SVIL: variants seen among roughly 807,000 people sequenced by gnomAD.
The protein encoded by SVIL is supervillin, also known as archvillin.
Under a neutral mutation model 240.4 loss-of-function variants are expected in SVIL, and 101 were observed. That is an observed-to-expected ratio of 0.42 (90% CI 0.36 to 0.50). The LOEUF (loss-of-function observed/expected upper bound fraction) is 0.50, where lower values mean the gene tolerates loss of function less well. Among genes scored for constraint, SVIL ranks in the 20% least tolerant of loss-of-function variants. The pLI, the probability that SVIL is intolerant of heterozygous loss-of-function variation, is 0.01. For missense variants in SVIL, 2,512 were observed against 2,818.7 expected (o/e 0.89, Z 2.46); for synonymous variants, 999 against 1,100.0 (o/e 0.91, Z 1.82).
chr10:29,605,226 C>A (rs1399746660), intron 1 of SVIL, among the ~76,000 whole-genome samples: 2 of 152,198 alleles, frequency 1.3e-5, no homozygotes, highest in Admixed American at 6.5e-5. Flanking sequence ...TTTACTTAGT[C>A]CTCTACGGAT....
chr10:29,594,836 C>T (rs1055110160), intron 1 of SVIL, among the ~76,000 whole-genome samples: 2 of 152,186 alleles, frequency 1.3e-5, no homozygotes, highest in Non-Finnish European at 2.9e-5. Context: ...GGATTACAGG[C>T]GTAAGCCACT....
At chr10:29,641,025 T>A (rs1958467830) in intron 3 of SVIL, among the ~76,000 whole-genome samples, 1 of 152,162 alleles carries the variant, frequency 6.6e-6, no homozygotes, top group South Asian at 2.1e-4. Context: ...ATGGCAAACT[T>A]TTTGTCTTTT....
Position 29,550,908 on chromosome 10 carries a change from C to A in SVIL, c.516G>T (p.Thr172=). The A allele has an allele frequency of 6.2e-7, 1 of 1,614,008 alleles. No homozygotes were observed. Among genetic ancestry groups the A allele is most frequent in the African/African-American group, 1.3e-5 (1 of 74,978 alleles). ...CACCGGCACAGGTCCTGAGCCCCAT[C>A]GTCTCGGTCCCGGGGTACAGAGAAC... is the stretch of plus-strand genomic sequence containing the variant. The part of the protein sequence containing the change: ...DASSLYPGTE[T]MGLRTCAGES... Residue 172 remains threonine, a synonymous_variant, in exon 6 of 38, where the codon ACG becomes ACT. Transcript: ENST00000355867.
chr10:29,723,398 T>A (rs543607840), intron 1 of SVIL, among the ~76,000 whole-genome samples: 57 of 152,120 alleles, frequency 3.7e-4, no homozygotes, highest in Non-Finnish European at 7.9e-4. Context: ...AAAAAATAAA[T>A]GTATAACTAA....
chr10:29,661,956 G>T (rs1214354978), intron 2 of SVIL, among the ~76,000 whole-genome samples: 1 of 152,020 alleles, frequency 6.6e-6, no homozygotes, highest in Non-Finnish European at 1.5e-5. Context: ...GAGCCACCAT[G>T]CCCGGCCCCA....
chr10:29,555,662 G>A (rs1953860329), intron 3 of SVIL, among the ~76,000 whole-genome samples: 1 of 152,170 alleles, frequency 6.6e-6, no homozygotes, highest in South Asian at 2.1e-4. Context: ...GACCTGACGA[G>A]CAAGCTTTCT....
chr10:29,610,273 A>G (rs1007598521), intron 1 of SVIL, among the ~76,000 whole-genome samples: 6 of 151,886 alleles, frequency 4.0e-5, no homozygotes, highest in African/African-American at 1.5e-4. Context: ...GACTTGTACA[A>G]TCACAACAGC....
At chr10:29,602,312 C>T (rs753092730) in intron 1 of SVIL, 3 of 533,916 alleles carry the variant, frequency 5.6e-6, no homozygotes, top group South Asian at 1.4e-5. Flanking sequence ...TGAAGGTGCA[C>T]TGGGTTCACC....
chr10:29,529,574 T>C, intron 12 of SVIL, 131 bp downstream of exon 12: 2 of 1,071,398 alleles, frequency 1.9e-6, no homozygotes, highest in Admixed American at 7.4e-5. Flanking sequence ...CAAAATCCCT[T>C]AGTACTAACT....
chr10:29,677,927 T>A (rs1210312460), intron 2 of SVIL, among the ~76,000 whole-genome samples: 1 of 152,138 alleles, frequency 6.6e-6, no homozygotes, highest in Non-Finnish European at 1.5e-5. Flanking sequence ...ACCCCAGCAA[T>A]GATCCTGCCT....
chr10:29,521,673 G>C (rs1950571195), intron 16 of SVIL, among the ~76,000 whole-genome samples: 1 of 152,056 alleles, frequency 6.6e-6, no homozygotes, highest in Non-Finnish European at 1.5e-5. Flanking sequence ...TCCCACTATT[G>C]CATCTTTTGC....
intron 14 of SVIL, 130 bp downstream of exon 14, chr10:29,524,342 C>A (rs953035903): frequency 2.8e-6 from 4 of 1,414,164 alleles, no homozygotes; most frequent in Non-Finnish European, 3.8e-6. Context: ...AAAGCTATTA[C>A]CAAATCACCT....
chr10:29,664,057 C>T (rs190945986), intron 2 of SVIL, among the ~76,000 whole-genome samples: 9 of 152,298 alleles, frequency 5.9e-5, no homozygotes, highest in African/African-American at 1.7e-4. Flanking sequence ...ATTGGATGAC[C>T]TTCCCGTGTA....
chr10:29,561,654 C>G (rs1408728934), intron 3 of SVIL, among the ~76,000 whole-genome samples: 1 of 151,508 alleles, frequency 6.6e-6, no homozygotes, highest in African/African-American at 2.4e-5. Context: ...GACAGCCGTT[C>G]CATGCCCCAT....
chr10:29,552,109 C>T (rs1185617999), intron 5 of SVIL, among the ~76,000 whole-genome samples: 1 of 130,124 alleles, frequency 7.7e-6, no homozygotes, highest in Non-Finnish European at 1.6e-5. Flanking sequence ...GAGAGCAAGA[C>T]CTTGTCTCAA....
Position 29,471,193 on chromosome 10 carries a change from C to G in SVIL, c.5580G>C (p.Gln1860His), listed in dbSNP as rs1356794581. 1.9e-6 allele frequency: 3 copies of G among 1,613,788 alleles called. No individual in the cohort carries two copies. Among genetic ancestry groups the G allele is most frequent in the Non-Finnish European group, 2.5e-6 (3 of 1,179,912 alleles). Reference sequence around the variant, plus strand: ...TCCCCGAGTGCACCACCATCCCCCCCTGGAAACACTGCAGGAAACAGGGGG... The same window carrying G: ...TCCCCGAGTGCACCACCATCCCCCCGTGGAAACACTGCAGGAAACAGGGGG... ...KEPPCFLQCFQGGMVVHSGRR... is the reference protein window; with the variant it reads ...KEPPCFLQCFHGGMVVHSGRR... The change falls in exon 31 of 38, where the codon CAG (glutamine) becomes CAC (histidine). Residue 1860 changes from glutamine to histidine, a missense_variant. By Grantham distance (24) the Gln-to-His change is conservative. Transcript: ENST00000355867.
chr10:29,720,517 C>CA (rs1323368312), intron 1 of SVIL, among the ~76,000 whole-genome samples: 2 of 151,822 alleles, frequency 1.3e-5, no homozygotes, highest in Non-Finnish European at 2.9e-5. Flanking sequence ...TCCTACATAA[C>CA]AAAAAATGCT....
At chr10:29,501,776 G>A (rs1164987651) in intron 17 of SVIL, among the ~76,000 whole-genome samples, 5 of 152,178 alleles carry the variant, frequency 3.3e-5, no homozygotes, top group Non-Finnish European at 5.9e-5. Context: ...AGTTTCAGGA[G>A]TGAATTTTAA....
At position 29,523,430 on chromosome 10, in the gene SVIL, T is replaced by A. The variant is rs770288021; in HGVS notation, c.3163+21A>T. The A allele has an allele frequency of 4.5e-6, 7 of 1,568,836 alleles. No individual in the cohort carries two copies. The South Asian group carries it at 8.5e-5, about 19-fold the overall frequency. On this transcript the variant is annotated intron_variant, in intron 15 of 37. Transcript: ENST00000355867. ...TAAAACCCAGTGGCTTTCTAAAGCT[T>A]TAGGGGCACTGGTCACTTACCTCTT...
Sources: allele counts gnomAD v4.1 joint callset (sites outside exome capture counted in the v4.1 genomes callset), GRCh38; gene constraint gnomAD v4.1.1; transcripts MANE v1.5; gene names NCBI Gene and HGNC (gene_info 2026-07-23, HGNC 2026-07-21).